The following LIPC variants were observed in gnomAD, a reference collection of about 807,000 sequenced individuals.
LIPC encodes lipase C, hepatic type.
A neutral mutation model predicts 50.7 loss-of-function variants in LIPC; 44 were observed. That is an observed-to-expected ratio of 0.87 (90% confidence interval 0.68 to 1.11). The LOEUF (loss-of-function observed/expected upper bound fraction) is 1.11, where lower values mean the gene tolerates loss of function less well. LIPC is among the 50% of genes most tolerant of loss of function. LIPC has a pLI of 0.00. For missense variants in LIPC, 697 were observed against 648.2 expected (o/e 1.08, Z -0.82); for synonymous variants, 271 against 256.4 (o/e 1.06, Z -0.54).
intron 1 of LIPC, among the ~76,000 whole-genome samples, chr15:58,492,901 C>G (rs1341583475): frequency 6.6e-6 from 1 of 152,174 alleles, no homozygotes; most frequent in Admixed American, 6.5e-5. Flanking sequence ...CTGGGCAAAT[C>G]TGCAGGATTA....
chr15:58,555,611 G>T (rs1339173657), intron 6 of LIPC, among the ~76,000 whole-genome samples: 3 of 152,224 alleles, frequency 2.0e-5, no homozygotes, highest in Non-Finnish European at 4.4e-5. Flanking sequence ...TTAACACTGT[G>T]TCGGTCTAGG....
intron 1 of LIPC, among the ~76,000 whole-genome samples, chr15:58,478,582 G>T (rs1421092483): frequency 4.6e-5 from 7 of 152,052 alleles, no homozygotes; most frequent in African/African-American, 1.7e-4. Context: ...TATAATATAG[G>T]TATTACTATG....
chr15:58,485,417 G>C (rs1891338437), intron 1 of LIPC, among the ~76,000 whole-genome samples: 1 of 152,152 alleles, frequency 6.6e-6, no homozygotes, highest in South Asian at 2.1e-4. Flanking sequence ...CAGGTTTGTT[G>C]GGTGCCGGAG....
intron 1 of LIPC, among the ~76,000 whole-genome samples, chr15:58,456,808 G>GT (rs1894136152): frequency 6.6e-6 from 1 of 152,214 alleles, no homozygotes; most frequent in Non-Finnish European, 1.5e-5. Flanking sequence ...CACCACTGCT[G>GT]TTTTCCCAAC....
At chr15:58,466,523 A>T (rs1189437002) in intron 1 of LIPC, among the ~76,000 whole-genome samples, 1 of 152,174 alleles carries the variant, frequency 6.6e-6, no homozygotes, top group Non-Finnish European at 1.5e-5. Flanking sequence ...TATTCTAAGG[A>T]TGTATGGTAA....
In LIPC at chr15:58,561,569, C is replaced by A. The variant is rs551141248; in HGVS notation, c.1169+588C>A. ...GTGCCAGACTTAGTTCATTCTCTCCCAGATCAGTGAAAAGATCTGGATAGG... is the reference window on the plus strand; with the variant it reads ...GTGCCAGACTTAGTTCATTCTCTCCAAGATCAGTGAAAAGATCTGGATAGG... On this transcript the variant is annotated intron_variant, in intron 7 of 8. Transcript: ENST00000299022. Among the ~76,000 whole-genome samples the A allele has an allele frequency of 3.9e-5, 6 of 152,322 alleles. No individual in the cohort carries two copies. In the East Asian group the frequency reaches 1.2e-3, roughly 29 times the overall value.
intron 5 of LIPC, among the ~76,000 whole-genome samples, chr15:58,547,053 A>G (rs1893555435): frequency 1.3e-5 from 2 of 151,950 alleles, no homozygotes; most frequent in African/African-American, 2.4e-5. Context: ...GACCATCAGG[A>G]TGGTGTATGG....
intron 4 of LIPC, among the ~76,000 whole-genome samples, chr15:58,544,024 C>T (rs1893432664): frequency 6.6e-6 from 1 of 152,228 alleles, no homozygotes; most frequent in African/African-American, 2.4e-5. Context: ...GACGTTTCAA[C>T]AGAATACACT....
chr15:58,507,752 G>T (rs556265634), intron 1 of LIPC, among the ~76,000 whole-genome samples: 43 of 152,322 alleles, frequency 2.8e-4, no homozygotes, highest in Admixed American at 7.8e-4. Context: ...ACAGAAGACA[G>T]ATTAGTAGAA....
At chr15:58,492,143 A>G (rs1299669408) in intron 1 of LIPC, among the ~76,000 whole-genome samples, 1 of 152,244 alleles carries the variant, frequency 6.6e-6, no homozygotes, top group East Asian at 1.9e-4. Context: ...ACCCAGAAGA[A>G]CAAGCACCCT....
At chr15:58,557,581 T>G (rs1408102506) in intron 6 of LIPC, among the ~76,000 whole-genome samples, 1 of 151,952 alleles carries the variant, frequency 6.6e-6, no homozygotes, top group Non-Finnish European at 1.5e-5. Flanking sequence ...AGAACGGGGT[T>G]TCACCGTGTT....
chr15:58,554,011 C>A (rs1378533720), intron 6 of LIPC, among the ~76,000 whole-genome samples: 1 of 151,858 alleles, frequency 6.6e-6, no homozygotes, highest in Non-Finnish European at 1.5e-5. Context: ...AAAAAAAAAG[C>A]CCTCTTTGAT....
intron 1 of LIPC, among the ~76,000 whole-genome samples, chr15:58,476,920 G>A (rs1385543358): frequency 6.6e-6 from 1 of 152,146 alleles, no homozygotes; most frequent in Admixed American, 6.5e-5. Flanking sequence ...CTGTACCCAG[G>A]GCACGTCCTG....
intron 1 of LIPC, among the ~76,000 whole-genome samples, chr15:58,529,654 G>A (rs1183739910): frequency 6.6e-6 from 1 of 152,240 alleles, no homozygotes; most frequent in Non-Finnish European, 1.5e-5. Context: ...AGCCCTCTGA[G>A]CTTTAACAGA....
chr15:58,546,970 A>G (rs1369577680), intron 5 of LIPC, among the ~76,000 whole-genome samples: 1 of 53,546 alleles, frequency 1.9e-5, no homozygotes, highest in African/African-American at 7.4e-5. Context: ...CCTCCCCTCC[A>G]GCCACCAGCA....
At position 58,563,449 on chromosome 15, in the gene LIPC, G is replaced by A. The variant is rs565604608; in HGVS notation, c.1170-56G>A. 3.2e-5 allele frequency: 45 copies of A among 1,417,200 alleles called. No individual in the cohort carries two copies. In the East Asian group the frequency reaches 6.6e-4, roughly 21 times the overall value. The allele number at this position is 1,417,200 out of a possible 1,614,324, so 87.8% of individuals were successfully genotyped here. A position where few individuals can be genotyped will look rare whatever the true frequency, so the allele number is the denominator to read the frequency against. ...CAACACATCCTGAATGTGTGTGACC[G>A]TCACTTTGCTGTTACGACTAAACTG... On this transcript the variant is annotated intron_variant, in intron 7 of 8. Transcript: ENST00000299022.
At chr15:58,482,743 G>A (rs547660956) in intron 1 of LIPC, among the ~76,000 whole-genome samples, 58 of 152,190 alleles carry the variant, frequency 3.8e-4, no homozygotes, top group Non-Finnish European at 7.1e-4. Context: ...AACATTTTAC[G>A]GTAAACTTCT....
chr15:58,501,275 G>A (rs1251876990), intron 1 of LIPC, among the ~76,000 whole-genome samples: 1 of 151,468 alleles, frequency 6.6e-6, no homozygotes, highest in African/African-American at 2.4e-5. Flanking sequence ...GGGATTTAAG[G>A]TGGCTCAGCC....
At chr15:58,446,039 G>A (rs926021226) in intron 1 of LIPC, among the ~76,000 whole-genome samples, 2 of 152,074 alleles carry the variant, frequency 1.3e-5, no homozygotes, top group African/African-American at 4.8e-5. Context: ...ATAACTGTTT[G>A]CATTTTCGTA....
Sources: gnomAD v4.1 joint callset for allele counts (sites outside exome capture counted in the v4.1 genomes callset) on GRCh38, gnomAD v4.1.1 for gene constraint, MANE v1.5 for transcripts, NCBI Gene and HGNC (gene_info 2026-07-23, HGNC 2026-07-21) for gene names.